Variants in GTF3C2 observed in about 807,000 individuals in gnomAD.
GTF3C2 encodes general transcription factor IIIC subunit 2.
GTF3C2 carries 17 observed loss-of-function variants against 117.4 expected under a neutral mutation model. The observed-to-expected ratio is 0.14, with a 90% CI of 0.10 to 0.22. The LOEUF is 0.22. Ranked by LOEUF, GTF3C2 falls within the 10% of genes least tolerant of loss-of-function variation. GTF3C2 has a pLI of 1.00. For synonymous variants in GTF3C2, 437 were observed against 427.0 expected, an observed-to-expected ratio of 1.02 and a Z score of -0.29; for missense variants, 888 against 1,143.6, an observed-to-expected ratio of 0.78 and a Z score of 3.22.
At chr2:27,342,607 G>C (rs1370878794) in intron 3 of GTF3C2, 7 of 574,572 alleles carry the variant, frequency 1.2e-5, no homozygotes, top group African/African-American at 1.1e-4. Flanking sequence ...AAATGGCATA[G>C]GACATAAAGT....
At chr2:27,346,012 G>A (rs1558621933) in intron 1 of GTF3C2, among the ~76,000 whole-genome samples, 3 of 133,762 alleles carry the variant, frequency 2.2e-5, no homozygotes, top group African/African-American at 5.8e-5. Context: ...ACTGTGCCCC[G>A]CCACTTTTTT....
At chr2:27,337,321 G>A in exon 7 of GTF3C2, 1 of 1,612,544 alleles carries the variant, frequency 6.2e-7, no homozygotes, top group Non-Finnish European at 8.5e-7. Context: ...TCTCCTCCTG[G>A]GGCAGGTAGG....
At chr2:27,336,562 CAG>C in intron 7 of GTF3C2, 137 bp from the exon 8 acceptor site, 1 of 610,364 alleles carries the variant, frequency 1.6e-6, no homozygotes, top group East Asian at 2.8e-5. Context: ...CAAGTGAGAA[CAG>C]AGTCCTTGGC....
chr2:27,331,546 C>T (rs1680271673), intron 12 of GTF3C2, among the ~76,000 whole-genome samples: 1 of 151,978 alleles, frequency 6.6e-6, no homozygotes, highest in Admixed American at 6.6e-5. Flanking sequence ...AGGATGGTCT[C>T]GATCTCTTGA....
chr2:27,352,852 C>G (rs904286023), intron 1 of GTF3C2, among the ~76,000 whole-genome samples: 1 of 152,186 alleles, frequency 6.6e-6, no homozygotes, highest in African/African-American at 2.4e-5. Flanking sequence ...CTCTCAGCAG[C>G]TCCAACACTA....
chr2:27,335,377 G>C, intron 10 of GTF3C2: 2 of 680,614 alleles, frequency 2.9e-6, no homozygotes, highest in Non-Finnish European at 5.5e-6. Flanking sequence ...AGGGAAGAAG[G>C]GGGAGATAAA....
chr2:27,336,462 T>G, intron 7 of GTF3C2, 37 bp from the exon 8 acceptor site: 1 of 1,244,002 alleles, frequency 8.0e-7, no homozygotes, highest in Non-Finnish European at 1.2e-6. Context: ...AGAAAGGAAT[T>G]AATGAAAGGT....
exon 19 of GTF3C2, chr2:27,326,179 C>G (rs1239922019): frequency 2.1e-6 from 1 of 470,962 alleles, no homozygotes; most frequent in African/African-American, 2.0e-5. Context: ...TTCAGTCTCA[C>G]GAATTACTAT....
intron 5 of GTF3C2, 66 bp downstream of exon 5, chr2:27,337,859 TC>T: frequency 1.1e-6 from 1 of 928,336 alleles, no homozygotes; most frequent in Non-Finnish European, 1.8e-6. Context: ...CGGCCCCACT[TC>T]AATACCGCCC....
intron 1 of GTF3C2, among the ~76,000 whole-genome samples, chr2:27,348,080 C>T (rs941791871): frequency 4.4e-4 from 67 of 152,298 alleles, no homozygotes; most frequent in African/African-American, 1.5e-3. Context: ...ACCACCTGGC[C>T]AACATGGTGA....
rs1481394819 is a variant in GTF3C2 at position 27,329,041 on chromosome 2, C to T, written c.2039+80G>A. On this transcript the variant is annotated intron_variant, in intron 14 of 18. Transcript: ENST00000264720. The surrounding 1 kb of genome is among the most constrained non-coding windows in gnomAD (Gnocchi z 4.5). ...CAGTGAACCAACTCTCTACCCTCCT[C>T]TCCCCACAACAATCTGGCATGCTTT... 1 of 1,522,168 alleles carries T rather than the reference C, an allele frequency of 6.6e-7. No individual in the cohort carries two copies. Among genetic ancestry groups the T allele is most frequent in the East Asian group, 2.2e-5 (1 of 44,460 alleles). 94.3% of individuals were successfully genotyped at this position (1,522,168 alleles called of 1,614,324 possible). A position where few individuals can be genotyped will look rare whatever the true frequency, so the allele number is the denominator to read the frequency against.
rs764269890 is a variant in GTF3C2 at position 27,329,157 on chromosome 2, T to C, written c.2003A>G (p.Asn668Ser). The C allele has an allele frequency of 8.1e-6, 13 of 1,613,958 alleles. No homozygotes were observed. Among genetic ancestry groups the C allele is most frequent in the South Asian group, 1.1e-5 (1 of 91,080 alleles). ...GTTGTCCTGAGCCACAGTGACACCA[T>C]TGTAGGGAAGCAGCCAGGCCAGTTC... Residue 668 changes from asparagine (N) to serine (S), a missense_variant, in exon 14 of 19, where the codon AAT becomes AGT. Physicochemically the swap from Asn to Ser is conservative, Grantham distance 46. Around this residue, in one of 7 missense-constraint regions of GTF3C2, gnomAD observed 277 missense variants for 445.4 expected, o/e 0.62. Transcript: ENST00000264720. The surrounding 1 kb of genome is among the most constrained non-coding windows in gnomAD (Gnocchi z 4.5).
In GTF3C2 at chr2:27,351,892, TCTTGTTC is replaced by T. The variant is rs1380189360; in HGVS notation, c.-25+4840_-25+4846del. ...CCACACGCCCCCCATCTTGTAAAAA[TCTTGTTC>T]CTTTGATGCTTAGAACATTCAGCTA... On this transcript the variant is annotated intron_variant, in intron 1 of 18. Transcript: ENST00000264720. 8.0e-3 allele frequency among the ~76,000 whole-genome samples: 1,216 copies of T among 152,312 alleles called. 16 individuals carry two copies. Among genetic ancestry groups the T allele is most frequent in the African/African-American group, 0.028 (1,161 of 41,586 alleles).
chr2:27,330,094 T>C (rs1380049604), intron 12 of GTF3C2, among the ~76,000 whole-genome samples: 1 of 149,762 alleles, frequency 6.7e-6, no homozygotes, highest in Non-Finnish European at 1.5e-5. Context: ...TGCAGTGAGA[T>C]TGTGCCACTG....
chr2:27,350,305 C>T (rs1681085551), intron 1 of GTF3C2: 1 of 558,352 alleles, frequency 1.8e-6, no homozygotes, highest in Admixed American at 6.4e-5. Context: ...AGTTCTACCC[C>T]AGACCTACCG....
At chr2:27,354,765 T>A (rs1681272242) in intron 1 of GTF3C2, among the ~76,000 whole-genome samples, 1 of 152,116 alleles carries the variant, frequency 6.6e-6, no homozygotes, top group Non-Finnish European at 1.5e-5. Flanking sequence ...CGGTTTTTTT[T>A]AAAGGATTTT....
chr2:27,335,354 G>A (rs1680422409), intron 10 of GTF3C2: 3 of 638,014 alleles, frequency 4.7e-6, no homozygotes, highest in South Asian at 3.0e-5. Context: ...GGAAAGTCTT[G>A]AGAGCACAGA....
chr2:27,343,194 C>T, intron 2 of GTF3C2, 47 bp from the exon 3 acceptor site: 1 of 1,509,478 alleles, frequency 6.6e-7, no homozygotes, highest in Non-Finnish European at 9.0e-7. Flanking sequence ...GAACTCAAAC[C>T]TCTATGGAAA....
At position 27,351,873 on chromosome 2, in the gene GTF3C2, GCCC is replaced by G. The variant is rs368405936; in HGVS notation, c.-25+4863_-25+4865del. ...CACTTGCAGACCAACAGTCCCACAC[GCCC>G]CCCATCTTGTAAAAATCTTGTTCCT... On this transcript the variant is annotated intron_variant, in intron 1 of 18. Transcript: ENST00000264720. 5.2e-3 allele frequency among the ~76,000 whole-genome samples: 791 copies of G among 152,048 alleles called. 3 individuals are homozygous for G. The highest frequency in any genetic ancestry group is 0.018 in the African/African-American group (753 of 41,440).
Sources: gnomAD v4.1 joint callset for allele counts (sites outside exome capture counted in the v4.1 genomes callset) on GRCh38, gnomAD v4.1.1 for gene constraint, gnomAD v4.1.1 regional missense constraint, Gnocchi (gnomAD v3.1) non-coding constraint, MANE v1.5 for transcripts, NCBI Gene and HGNC (gene_info 2026-07-23, HGNC 2026-07-21) for gene names.